The following RNF6 variants were observed in gnomAD, a reference collection of about 807,000 sequenced individuals.
The protein encoded by RNF6 is ring finger protein 6, also known as E3 ubiquitin-protein ligase RNF6.
RNF6 carries 21 observed loss-of-function variants against 50.1 expected under a neutral mutation model. The ratio of observed to expected loss-of-function variants is 0.42; its 90% confidence interval spans 0.30 to 0.60. The LOEUF (loss-of-function observed/expected upper bound fraction) is 0.60, where lower values mean the gene tolerates loss of function less well. Among genes scored for constraint, RNF6 ranks in the 20% least tolerant of loss-of-function variants. The pLI is 0.20. For synonymous variants in RNF6, 255 were observed against 291.8 expected, an observed-to-expected ratio of 0.87 and a Z score of 1.29; for missense variants, 698 against 838.2, an observed-to-expected ratio of 0.83 and a Z score of 2.07.
rs773531107 is a variant in RNF6, at chr13:26,221,276, A to AT, written c.-48dup. On this transcript the variant is annotated 5_prime_UTR_variant, in exon 2 of 5. The change creates a new upstream start codon in the 5' untranslated region. Coordinates refer to ENST00000381588, the MANE Select transcript of RNF6 (RefSeq NM_005977.4). ...ATTTTCCTTTCAACACGCTTTTAAC[A>AT]TATGCCATGGTATCCATCCTTCAAT... The AT allele has an allele frequency of 7.9e-5, 12 of 152,236 alleles. No homozygotes were observed. Among genetic ancestry groups the AT allele is most frequent in the Admixed American group, 1.3e-4 (2 of 15,276 alleles). The allele number at this position is 152,236 out of a possible 1,614,324, so 9.4% of individuals were successfully genotyped here.
At chr13:26,215,854 C>T (rs927738343) in intron 4 of RNF6, among the ~76,000 whole-genome samples, 7 of 152,200 alleles carry the variant, frequency 4.6e-5, no homozygotes, top group African/African-American at 1.4e-4. Context: ...CTCATTCTTA[C>T]TTTCTATCTG....
chr13:26,148,629 TCTTTATA>T lies in RNF6; in HGVS notation n.769-16185_769-16179del, dbSNP rs1449477037. Among the ~76,000 whole-genome samples the T allele has an allele frequency of 2.0e-4, 16 of 81,990 alleles. No individual in the cohort carries two copies. In the South Asian group the frequency reaches 7.4e-3, roughly 38 times the overall value. The allele number at this position is 81,990 out of a possible 152,430, so 53.8% of individuals were successfully genotyped here. ...AGAAATAGAAACAATAGTATAAATCTCTTTATATATATATATATATATATATATATAT... is the reference window on the plus strand; with the variant it reads ...AGAAATAGAAACAATAGTATAAATCTTATATATATATATATATATATATAT... On this transcript the variant is annotated intron_variant and non_coding_transcript_variant, in intron 5 of 5. Coordinates refer to the RNF6 transcript ENST00000468480.
rs115118579 is a variant in RNF6 at position 26,179,627 on chromosome 13, T to C, written n.768+35847A>G. On this transcript the variant is annotated intron_variant and non_coding_transcript_variant, in intron 5 of 5. Transcript: ENST00000468480. ...GAGAACTGTAAGTGGGAAGGAGAAGTGCTATGTCTGCCAAGACCATTCAGG... is the reference window on the plus strand; with the variant it reads ...GAGAACTGTAAGTGGGAAGGAGAAGCGCTATGTCTGCCAAGACCATTCAGG... 7.3e-3 allele frequency among the ~76,000 whole-genome samples: 1,112 copies of C among 152,252 alleles called. 8 individuals are homozygous for C. The highest frequency in any genetic ancestry group is 0.025 in the African/African-American group (1,022 of 41,552).
chr13:26,151,527 T>G (rs1379256249), intron 5 of RNF6, among the ~76,000 whole-genome samples: 1 of 152,184 alleles, frequency 6.6e-6, no homozygotes, highest in Non-Finnish European at 1.5e-5. Context: ...CCTCCCAAAG[T>G]GCTGGGATTA....
rs537226324 is a variant in RNF6, at chr13:26,169,374, AG to A, written n.769-36924del. On this transcript the variant is annotated intron_variant and non_coding_transcript_variant, in intron 5 of 5. Transcript: ENST00000468480. Reference sequence around the variant, plus strand: ...AGGAGGGCAAGGGGAGATCCACCTGAGAGTGTCTTGGCTGAAGAACATTAAC... The same window carrying A: ...AGGAGGGCAAGGGGAGATCCACCTGAAGTGTCTTGGCTGAAGAACATTAAC... 7.0e-4 allele frequency among the ~76,000 whole-genome samples: 107 copies of A among 152,094 alleles called. 1 individual carries two copies. The highest frequency in any genetic ancestry group is 2.5e-3 in the African/African-American group (105 of 41,478).
At position 26,214,842 on chromosome 13, in the gene RNF6, G is replaced by C. The variant is rs1403832615; in HGVS notation, c.1040C>G (p.Thr347Ser). Residue 347 changes from threonine (T) to serine (S), a missense_variant, in exon 5 of 5, where the codon ACT becomes AGT. By Grantham distance (58) the Thr-to-Ser change is moderately conservative. Coordinates refer to ENST00000381588, the MANE Select transcript of RNF6 (RefSeq NM_005977.4). ...TRRSVRRRGR[T>S]RVFLEQDRER... ...TCTATCTTGCTCTAAAAAGACTCGA[G>C]TTCTACCTCTCCTCCTAACAGATCT... 6.2e-7 allele frequency: 1 copy of C among 1,614,164 alleles called. No homozygotes were observed. The highest frequency in any genetic ancestry group is 1.1e-5 in the South Asian group (1 of 91,088).
chr13:26,152,756 A>T (rs1048602904), intron 5 of RNF6, among the ~76,000 whole-genome samples: 1 of 152,208 alleles, frequency 6.6e-6, no homozygotes, highest in African/African-American at 2.4e-5. Context: ...AACTAGTTAT[A>T]ATATGTTACA....
intron 5 of RNF6, among the ~76,000 whole-genome samples, chr13:26,179,289 A>G (rs1873122963): frequency 6.6e-6 from 1 of 152,214 alleles, no homozygotes; most frequent in Non-Finnish European, 1.5e-5. Flanking sequence ...TCAGGCAAAG[A>G]AAATGTATTA....
At chr13:26,189,071 G>A (rs1873696465) in intron 5 of RNF6, among the ~76,000 whole-genome samples, 1 of 151,630 alleles carries the variant, frequency 6.6e-6, no homozygotes, top group Admixed American at 6.6e-5. Flanking sequence ...GCTAACGCCC[G>A]TAATCCCAGC....
chr13:26,206,968 A>G (rs1180601321), intron 5 of RNF6, among the ~76,000 whole-genome samples: 1 of 152,126 alleles, frequency 6.6e-6, no homozygotes, highest in Non-Finnish European at 1.5e-5. Flanking sequence ...TATAAATACA[A>G]TCCAGGTTGG....
At chr13:26,174,030 G>A (rs950901766) in intron 5 of RNF6, among the ~76,000 whole-genome samples, 1 of 151,842 alleles carries the variant, frequency 6.6e-6, no homozygotes, top group Non-Finnish European at 1.5e-5. Flanking sequence ...TTAATGGTGA[G>A]AATATGAGTG....
intron 5 of RNF6, among the ~76,000 whole-genome samples, chr13:26,191,025 A>G (rs1295221057): frequency 6.6e-6 from 1 of 152,228 alleles, no homozygotes; most frequent in Non-Finnish European, 1.5e-5. Flanking sequence ...TCCAGTGTTC[A>G]GTAGGCCAAG....
At chr13:26,181,840 T>C (rs1873258126) in intron 5 of RNF6, among the ~76,000 whole-genome samples, 1 of 152,228 alleles carries the variant, frequency 6.6e-6, no homozygotes, top group Non-Finnish European at 1.5e-5. Context: ...CCTTGGTAGA[T>C]AAATTGCCGT....
chr13:26,214,675 C>T lies in RNF6; in HGVS notation c.1207G>A (p.Val403Met), dbSNP rs181072342. 3.1e-5 allele frequency: 50 copies of T among 1,614,240 alleles called. No individual in the cohort carries two copies. The East Asian group carries it at 1.1e-3, about 35-fold the overall frequency. The change falls in exon 5 of 5, where the codon GTG (valine) becomes ATG (methionine). Residue 403 changes from valine to methionine, a missense_variant. Physicochemically the swap from Val to Met is conservative, Grantham distance 21 (BLOSUM62 1). Transcript: ENST00000381588. ...TTTTCTCCAGGACGGATCCTTCTCA[C>T]TTGAAGGTCCAGTGTGATTGTTGGA... ...RHPTITLDLQVRRIRPGENRD... is the reference protein window; with the variant it reads ...RHPTITLDLQMRRIRPGENRD...
At chr13:26,206,139 C>T (rs1431513559) in intron 5 of RNF6, among the ~76,000 whole-genome samples, 1 of 152,200 alleles carries the variant, frequency 6.6e-6, no homozygotes, top group Non-Finnish European at 1.5e-5. Context: ...ATAGCCACAG[C>T]CTGCCAGCCA....
At chr13:26,147,269 G>A (rs1217168241) in intron 5 of RNF6, among the ~76,000 whole-genome samples, 1 of 152,082 alleles carries the variant, frequency 6.6e-6, no homozygotes, top group East Asian at 1.9e-4. Flanking sequence ...TTACCTTTAG[G>A]GTCCCGATGG....
chr13:26,184,987 T>TATTGATTG, intron 5 of RNF6, among the ~76,000 whole-genome samples: 1 of 151,700 alleles, frequency 6.6e-6, no homozygotes, highest in African/African-American at 2.4e-5. Flanking sequence ...GTTATCATTT[T>TATTGATTG]ATTGATTGAT....
rs780374785 is a variant in RNF6, at chr13:26,213,682, TA to T, written c.*141del. 1.4e-3 allele frequency: 755 copies of T among 540,828 alleles called. 2 individuals are homozygous for T. Among genetic ancestry groups the T allele is most frequent in the Non-Finnish European group, 2.0e-3 (693 of 339,382 alleles). 33.5% of individuals were successfully genotyped at this position (540,828 alleles called of 1,614,324 possible). A position where few individuals can be genotyped will look rare whatever the true frequency, so the allele number is the denominator to read the frequency against. On this transcript the variant is annotated 3_prime_UTR_variant, in exon 5 of 5. Transcript: ENST00000381588. ...TATATAAATTTCTTTTTAACAAGTT[TA>T]AAAAAGCACACGAAAAATAGTTCAA...
intron 5 of RNF6, among the ~76,000 whole-genome samples, chr13:26,138,920 C>T (rs1026314043): frequency 2.6e-5 from 4 of 152,184 alleles, no homozygotes; most frequent in Non-Finnish European, 5.9e-5. Flanking sequence ...TATCACTTCA[C>T]ATCTGGTCAG....
Sources: gnomAD v4.1 joint callset for allele counts (sites outside exome capture counted in the v4.1 genomes callset) on GRCh38, gnomAD v4.1.1 for gene constraint, MANE v1.5 for transcripts, NCBI Gene and HGNC (gene_info 2026-07-23, HGNC 2026-07-21) for gene names.